Variants in UNC13C observed in about 807,000 individuals in gnomAD.
The protein encoded by UNC13C is unc-13 homolog C, also known as protein unc-13 homolog C.
Under a neutral mutation model 245.4 loss-of-function variants are expected in UNC13C, and 174 were observed. The observed-to-expected ratio is 0.71, with a 90% CI of 0.63 to 0.80. The LOEUF is 0.80. UNC13C is among the 30% of genes least tolerant of loss of function. The pLI is 0.00. For missense variants in UNC13C, 2,829 were observed against 2,602.9 expected, an observed-to-expected ratio of 1.09 and a Z score of -1.89; for synonymous variants, 992 against 895.1, an observed-to-expected ratio of 1.11 and a Z score of -1.93.
intron 19 of UNC13C, among the ~76,000 whole-genome samples, chr15:54,434,997 C>T (rs2040951621): frequency 1.3e-5 from 2 of 152,076 alleles, no homozygotes; most frequent in Admixed American, 1.3e-4. Flanking sequence ...CATCACTGTT[C>T]ATTAGAGACA....
At chr15:54,546,952 G>GTGT in intron 27 of UNC13C, 107 bp downstream of exon 27, 2 of 1,035,988 alleles carry the variant, frequency 1.9e-6, no homozygotes, top group Non-Finnish European at 2.7e-6. Flanking sequence ...TGGGGAAAAA[G>GTGT]TGTTTGGTAT....
At chr15:54,223,007 T>C (rs529622621) in intron 4 of UNC13C, among the ~76,000 whole-genome samples, 22 of 151,120 alleles carry the variant, frequency 1.5e-4, no homozygotes, top group Admixed American at 4.0e-4. Flanking sequence ...TCTTGTCGCA[T>C]GGATAGATTG....
chr15:54,169,999 T>C (rs999695545), intron 4 of UNC13C, among the ~76,000 whole-genome samples: 2 of 75,422 alleles, frequency 2.7e-5, no homozygotes, highest in African/African-American at 4.5e-5. Flanking sequence ...TTTCTTTTTT[T>C]TTTTTTTTTA....
the UNC13C span, among the ~76,000 whole-genome samples, chr15:53,932,720 C>G: frequency 1.3e-5 from 2 of 151,968 alleles, no homozygotes; most frequent in African/African-American, 2.4e-5. Flanking sequence ...GACCTCTTTT[C>G]TTATTCATTT....
chr15:54,416,505 A>G (rs1470604603), intron 19 of UNC13C, among the ~76,000 whole-genome samples: 1 of 152,098 alleles, frequency 6.6e-6, no homozygotes, highest in Non-Finnish European at 1.5e-5. Flanking sequence ...TGTTTCTTCT[A>G]CAGTTTATTA....
At chr15:54,382,971 A>G (rs1195686682) in intron 17 of UNC13C, among the ~76,000 whole-genome samples, 1 of 152,184 alleles carries the variant, frequency 6.6e-6, no homozygotes, top group African/African-American at 2.4e-5. Context: ...TCTTGGAAGC[A>G]TACAACTTAC....
rs28830192 is a variant in UNC13C, at chr15:53,999,450, G to A, written c.-256-13198G>A. 8.7e-4 allele frequency among the ~76,000 whole-genome samples: 132 copies of A among 151,908 alleles called. 1 individual carries two copies. The highest frequency in any genetic ancestry group is 3.4e-3 in the Middle Eastern group (1 of 292). On this transcript the variant is annotated intron_variant, in intron 1 of 32. Coordinates refer to ENST00000260323, the MANE Select transcript of UNC13C (RefSeq NM_001080534.3). Reference sequence around the variant, plus strand: ...TATTCTCATTGTCGGTTTAATATCTGTATGATTTGTACTTATATTCTGTCT... The same window carrying A: ...TATTCTCATTGTCGGTTTAATATCTATATGATTTGTACTTATATTCTGTCT...
intron 19 of UNC13C, among the ~76,000 whole-genome samples, chr15:54,486,238 C>T (rs1893397511): frequency 7.6e-6 from 1 of 131,954 alleles, no homozygotes; most frequent in Admixed American, 8.7e-5. Context: ...GGTGAAAACC[C>T]AGATCTATTA....
chr15:54,077,562 A>T (rs964289012), intron 2 of UNC13C, among the ~76,000 whole-genome samples: 6 of 151,226 alleles, frequency 4.0e-5, no homozygotes, highest in Middle Eastern at 3.4e-3. Flanking sequence ...CATTTTTAGT[A>T]TAGACTGCAT....
At chr15:53,919,027 T>C in the UNC13C span, among the ~76,000 whole-genome samples, 1 of 152,232 alleles carries the variant, frequency 6.6e-6, no homozygotes, top group African/African-American at 2.4e-5. Flanking sequence ...CTATACTTAA[T>C]GTGAATTTAA....
chr15:54,584,639 T>G (rs1898393339), intron 30 of UNC13C, among the ~76,000 whole-genome samples: 1 of 152,232 alleles, frequency 6.6e-6, no homozygotes, highest in Non-Finnish European at 1.5e-5. Context: ...TAAGCCAATT[T>G]GGAAACTAGC....
chr15:54,605,093 GA>G lies in UNC13C; in HGVS notation c.6107-17233del, dbSNP rs1235830335. On this transcript the variant is annotated intron_variant, in intron 30 of 32. Transcript: ENST00000260323. Reference sequence around the variant, plus strand: ...CTTGGAGTTAGGATTCACTGCCTGAGACGAGAAACAAGACCTGCTGGGTAGT... The same window carrying G: ...CTTGGAGTTAGGATTCACTGCCTGAGCGAGAAACAAGACCTGCTGGGTAGT... 3.3e-5 allele frequency among the ~76,000 whole-genome samples: 5 copies of G among 152,298 alleles called. No homozygotes were observed. The East Asian group carries it at 9.7e-4, about 29-fold the overall frequency.
intron 1 of UNC13C, among the ~76,000 whole-genome samples, chr15:53,985,346 G>C (rs1338268476): frequency 6.7e-6 from 1 of 148,524 alleles, no homozygotes; most frequent in South Asian, 2.1e-4. Flanking sequence ...TTTTTTCTTG[G>C]TTCTTTTTTT....
intron 4 of UNC13C, among the ~76,000 whole-genome samples, chr15:54,204,308 A>AAG (rs1283813938): frequency 2.0e-5 from 3 of 148,944 alleles, no homozygotes; most frequent in Non-Finnish European, 4.5e-5. Context: ...TAAAAATTGA[A>AAG]AAAAAAAAAA....
rs1324344735 is a variant in UNC13C at position 54,013,491 on chromosome 15, A to C, written c.588A>C (p.Ser196=). ...AAAAGAGTCAAGAATGTGTCTCCTC[A>C]GACTCAGAGTTAAGCACCATGAAAA... The part of the protein sequence containing the change: ...KWKKSQECVS[S]DSELSTMKKS... The change falls in exon 2 of 33, where the codon TCA becomes TCC. Residue 196 remains serine (S), a synonymous_variant. Coordinates refer to ENST00000260323, the MANE Select transcript of UNC13C (RefSeq NM_001080534.3). The C allele has an allele frequency of 8.1e-6, 13 of 1,613,804 alleles. No homozygotes were observed. Among genetic ancestry groups the C allele is most frequent in the Non-Finnish European group, 1.1e-5 (13 of 1,179,856 alleles).
intron 7 of UNC13C, among the ~76,000 whole-genome samples, chr15:54,239,879 T>C (rs527732562): frequency 2.0e-5 from 3 of 152,352 alleles, no homozygotes; most frequent in African/African-American, 7.2e-5. Flanking sequence ...TCTCAAAGCA[T>C]CTAGTCTTCT....
intron 2 of UNC13C, among the ~76,000 whole-genome samples, chr15:54,104,398 A>AT (rs1043362537): frequency 7.2e-5 from 11 of 151,852 alleles, no homozygotes; most frequent in East Asian, 1.9e-4. Flanking sequence ...ATATTCTTAG[A>AT]TTTTTTTCCC....
chr15:54,092,475 C>T (rs553386201), intron 2 of UNC13C, among the ~76,000 whole-genome samples: 1 of 152,118 alleles, frequency 6.6e-6, no homozygotes, highest in Non-Finnish European at 1.5e-5. Context: ...TCTCATAACA[C>T]AGTGAGGTAA....
intron 19 of UNC13C, among the ~76,000 whole-genome samples, chr15:54,422,343 G>A (rs182438352): frequency 3.9e-5 from 6 of 152,038 alleles, no homozygotes; most frequent in Non-Finnish European, 8.8e-5. Context: ...TAAGTAGTTT[G>A]CACATTTCCA....
Sources: gnomAD v4.1 joint callset for allele counts (sites outside exome capture counted in the v4.1 genomes callset) on GRCh38, gnomAD v4.1.1 for gene constraint, MANE v1.5 for transcripts, NCBI Gene and HGNC (gene_info 2026-07-23, HGNC 2026-07-21) for gene names.